ORC5: variants seen among roughly 807,000 people sequenced by gnomAD.
The protein encoded by ORC5 is origin recognition complex subunit 5.
In ORC5, 39 loss-of-function variants were observed where a neutral mutation model predicts 58.8. The observed-to-expected ratio is 0.66, with a 90% CI of 0.51 to 0.87. ORC5 has a LOEUF of 0.87. Ranked by LOEUF, ORC5 falls within the 40% of genes least tolerant of loss-of-function variation. The pLI, the probability that ORC5 is intolerant of heterozygous loss-of-function variation, is 0.00. For missense variants in ORC5, 493 were observed against 506.3 expected (o/e 0.97, Z 0.25); for synonymous variants, 218 against 177.6 (o/e 1.23, Z -1.81).
chr7:104,135,999 A>G (rs1461082066), intron 13 of ORC5, among the ~76,000 whole-genome samples: 2 of 152,146 alleles, frequency 1.3e-5, no homozygotes, highest in Non-Finnish European at 2.9e-5. Context: ...TATTCATATA[A>G]ATGGTTTGAA....
chr7:104,197,672 A>C (rs13238183), intron 4 of ORC5, 53 bp downstream of exon 4: 567,287 of 1,213,440 alleles, frequency 0.47, 140,981 homozygotes, highest in Non-Finnish European at 0.52. Context: ...AACTTTTACA[A>C]CACAATCCAT....
chr7:104,150,039 T>C (rs1033794863), intron 12 of ORC5, among the ~76,000 whole-genome samples: 4 of 152,152 alleles, frequency 2.6e-5, no homozygotes, highest in African/African-American at 7.2e-5. Context: ...TAGGAGTTCA[T>C]GTACCACAGT....
intron 11 of ORC5, among the ~76,000 whole-genome samples, chr7:104,163,547 C>T (rs1054822589): frequency 5.9e-5 from 9 of 152,148 alleles, no homozygotes; most frequent in African/African-American, 1.9e-4. Flanking sequence ...AGTGTAGTAG[C>T]GTGATCTCGG....
At chr7:104,152,020 T>C (rs888269291) in intron 12 of ORC5, among the ~76,000 whole-genome samples, 1 of 152,202 alleles carries the variant, frequency 6.6e-6, no homozygotes, top group African/African-American at 2.4e-5. Context: ...CTGCTGTATG[T>C]CTATAGATGG....
At chr7:104,190,246 G>A (rs1056333265) in intron 5 of ORC5, among the ~76,000 whole-genome samples, 3 of 151,756 alleles carry the variant, frequency 2.0e-5, no homozygotes, top group Non-Finnish European at 1.5e-5. Flanking sequence ...AGTAACAAGG[G>A]AAAAAATACT....
chr7:104,140,005 AC>A (rs1333216301), intron 12 of ORC5, among the ~76,000 whole-genome samples: 3 of 151,896 alleles, frequency 2.0e-5, no homozygotes, highest in Non-Finnish European at 4.4e-5. Flanking sequence ...TTGTTGACAA[AC>A]CTTTTCATTA....
At chr7:104,178,506 A>T (rs1799368028) in intron 8 of ORC5, among the ~76,000 whole-genome samples, 1 of 151,978 alleles carries the variant, frequency 6.6e-6, no homozygotes, top group Admixed American at 6.6e-5. Flanking sequence ...CCCATTCCAT[A>T]GGTTGCTTGT....
In ORC5 at chr7:104,200,947, C is replaced by A. The variant is rs750855795; in HGVS notation, c.177G>T (p.Val59=). The A allele has an allele frequency of 8.7e-6, 14 of 1,612,746 alleles. No individual in the cohort carries two copies. In the Middle Eastern group the frequency reaches 6.6e-4, roughly 76 times the overall value. The change falls in exon 3 of 14, where the codon GTG becomes GTT. Residue 59 remains valine (V), a synonymous_variant. Transcript: ENST00000297431. ...TAAAGCATTCAACACAATTCACAAACACATGTGGGAGCTGAAAACGAAAAC... is the reference window on the plus strand; with the variant it reads ...TAAAGCATTCAACACAATTCACAAAAACATGTGGGAGCTGAAAACGAAAAC... ...TLLKTLELPH[V]FVNCVECFTL... is the part of the protein sequence containing the mutation.
At chr7:104,140,618 G>A (rs751149414) in intron 12 of ORC5, among the ~76,000 whole-genome samples, 5 of 152,268 alleles carry the variant, frequency 3.3e-5, no homozygotes, top group East Asian at 3.9e-4. Flanking sequence ...AAGGGTGCAT[G>A]GGAACCTGGG....
At chr7:104,202,016 G>GGAAT (rs1228887572) in intron 2 of ORC5, among the ~76,000 whole-genome samples, 3 of 152,086 alleles carry the variant, frequency 2.0e-5, no homozygotes. Context: ...CTTGAGCCCA[G>GGAAT]GAATTCATGG....
chr7:104,175,495 T>C (rs1274069120), intron 8 of ORC5, among the ~76,000 whole-genome samples: 1 of 152,236 alleles, frequency 6.6e-6, no homozygotes, highest in Non-Finnish European at 1.5e-5. Flanking sequence ...CCATGGCAAC[T>C]GACAACCTAC....
At chr7:104,142,091 T>C (rs181670902) in intron 12 of ORC5, among the ~76,000 whole-genome samples, 200 of 152,184 alleles carry the variant, frequency 1.3e-3, no homozygotes, top group African/African-American at 4.3e-3. Context: ...ACCACACATA[T>C]AAGGTCAACT....
At chr7:104,166,949 T>A in intron 9 of ORC5, 65 bp from the exon 10 acceptor site, 1 of 869,248 alleles carries the variant, frequency 1.2e-6, no homozygotes, top group Non-Finnish European at 1.9e-6. Context: ...GTATCTCTTC[T>A]CACTTGACTT....
intron 8 of ORC5, among the ~76,000 whole-genome samples, chr7:104,178,055 G>C (rs1214663835): frequency 2.0e-5 from 3 of 152,138 alleles, no homozygotes; most frequent in African/African-American, 7.2e-5. Context: ...CTTTATAGTA[G>C]AATGATTTAC....
At chr7:104,164,069 C>T (rs887110148) in intron 11 of ORC5, among the ~76,000 whole-genome samples, 1 of 152,056 alleles carries the variant, frequency 6.6e-6, no homozygotes, top group Non-Finnish European at 1.5e-5. Flanking sequence ...ATCATTTATC[C>T]ATTTTGCTAT....
At chr7:104,189,014 C>T (rs574767818) in intron 5 of ORC5, among the ~76,000 whole-genome samples, 2 of 152,114 alleles carry the variant, frequency 1.3e-5, no homozygotes, top group South Asian at 4.2e-4. Context: ...TCTATTAAAC[C>T]TTTTCTTTAT....
chr7:104,159,596 C>CATGT (rs71154392), intron 12 of ORC5, among the ~76,000 whole-genome samples: 86,849 of 150,418 alleles, frequency 0.58, 28,792 homozygotes, highest in Non-Finnish European at 0.76. Context: ...AAAGAAAAAA[C>CATGT]ATGTACTATC....
At chr7:104,149,897 CTG>C (rs1470699218) in intron 12 of ORC5, among the ~76,000 whole-genome samples, 1 of 152,158 alleles carries the variant, frequency 6.6e-6, no homozygotes, top group Non-Finnish European at 1.5e-5. Flanking sequence ...AAATCTCTTT[CTG>C]TGTACAATAT....
intron 12 of ORC5, among the ~76,000 whole-genome samples, chr7:104,142,252 C>A (rs933238360): frequency 2.0e-5 from 3 of 151,966 alleles, no homozygotes; most frequent in Non-Finnish European, 2.9e-5. Flanking sequence ...AATGGACTAA[C>A]GACTTAAATG....
Sources: gnomAD v4.1 joint callset for allele counts (sites outside exome capture counted in the v4.1 genomes callset) on GRCh38, gnomAD v4.1.1 for gene constraint, MANE v1.5 for transcripts, NCBI Gene and HGNC (gene_info 2026-07-23, HGNC 2026-07-21) for gene names.